Variants in NLGN2 observed in about 807,000 individuals in gnomAD.
The protein encoded by NLGN2 is neuroligin 2.
In NLGN2, 11 loss-of-function variants were observed where a neutral mutation model predicts 48.6. That is an observed-to-expected ratio of 0.23 (90% confidence interval 0.14 to 0.37). The LOEUF is 0.37. NLGN2 is among the 10% of genes least tolerant of loss of function. The probability of loss-of-function intolerance (pLI) is 1.00; values close to 1 mark genes in which losing one functional copy is unlikely to be tolerated. For missense variants in NLGN2, 801 were observed against 1,225.2 expected (o/e 0.65, Z 5.17); for synonymous variants, 548 against 550.0 (o/e 1.00, Z 0.05).
rs369734744 is a variant in NLGN2, at chr17:7,411,046, C to T, written c.458-1111C>T. Among the ~76,000 whole-genome samples the T allele has an allele frequency of 1.5e-4, 23 of 152,326 alleles. No homozygotes were observed. Among genetic ancestry groups the T allele is most frequent in the African/African-American group, 4.1e-4 (17 of 41,584 alleles). Reference sequence around the variant, plus strand: ...CCATTGAGGAAAAACCAATCAGCCTCGGGGAACCCCCAGGCCTCTGGGCTC... The same window carrying T: ...CCATTGAGGAAAAACCAATCAGCCTTGGGGAACCCCCAGGCCTCTGGGCTC... On this transcript the variant is annotated intron_variant, in intron 1 of 6. Coordinates refer to ENST00000302926, the MANE Select transcript of NLGN2 (RefSeq NM_020795.4). This position sits in a 1 kb window ranked among gnomAD's most constrained non-coding sequence, Gnocchi z 4.5.
Position 7,417,553 on chromosome 17 carries a change from G to GGCGGA in NLGN2, c.2263_2267dup (p.Asp756GlufsTer35). ...AGCTGAAGCGGGGTGGTGGCGTCGGGGCGGACCCTGCCGAGGCTCTGCGCC... is the reference window on the plus strand; with the variant it reads ...AGCTGAAGCGGGGTGGTGGCGTCGGGGCGGAGCGGACCCTGCCGAGGCTCTGCGCC... On this transcript the variant is annotated frameshift_variant, in exon 7 of 7. Coordinates refer to ENST00000302926, the MANE Select transcript of NLGN2 (RefSeq NM_020795.4). LOFTEE classifies it high-confidence loss of function. 6.9e-7 allele frequency: 1 copy of GGCGGA among 1,457,212 alleles called. No individual in the cohort carries two copies. Among genetic ancestry groups the GGCGGA allele is most frequent in the Non-Finnish European group, 9.0e-7 (1 of 1,110,922 alleles). The allele number at this position is 1,457,212 out of a possible 1,614,324, so 90.3% of individuals were successfully genotyped here.
chr17:7,406,042 G>A (rs749588387), upstream of NLGN2, among the ~76,000 whole-genome samples: 4 of 152,188 alleles, frequency 2.6e-5, no homozygotes, highest in Non-Finnish European at 4.4e-5. Flanking sequence ...GAAAATGGGG[G>A]AGACAGTGAT....
chr17:7,412,910 T>C (rs1906957352), intron 2 of NLGN2, among the ~76,000 whole-genome samples: 1 of 152,160 alleles, frequency 6.6e-6, no homozygotes, highest in African/African-American at 2.4e-5. Context: ...TCTTTCTTTC[T>C]TTCTTCTTTC....
At chr17:7,406,594 C>T (rs146889131), upstream of NLGN2, among the ~76,000 whole-genome samples, 103 of 141,130 alleles carry the variant, frequency 7.3e-4, no homozygotes, top group Middle Eastern at 3.8e-3. Context: ...CACCCGCGGG[C>T]TGGCGCCTGG....
In NLGN2 at chr17:7,408,630, C is replaced by G. The variant is rs1039644432; in HGVS notation, c.375C>G (p.Asp125Glu). ...PAIMLPVWFT[D>E]NLEAAATYVQ... ...TCATGCTGCCTGTGTGGTTCACCGA[C>G]AACTTGGAGGCGGCCGCCACCTACG... The change falls in exon 1 of 7, where the codon GAC becomes GAG. Residue 125 changes from aspartate (D) to glutamate (E), a missense_variant. By Grantham distance (45) the Asp-to-Glu change is conservative. This residue lies in a region of NLGN2 where 56 missense variants were observed against 100.0 expected (regional missense o/e 0.56). Transcript: ENST00000302926. The surrounding 1 kb of genome is among the most constrained non-coding windows in gnomAD (Gnocchi z 7.5). The G allele has an allele frequency of 6.2e-7, 1 of 1,610,606 alleles. No individual in the cohort carries two copies. The highest frequency in any genetic ancestry group is 1.3e-5 in the African/African-American group (1 of 74,884).
At chr17:7,407,435 A>G (rs77554485), upstream of NLGN2, among the ~76,000 whole-genome samples, 3,338 of 152,268 alleles carry the variant, frequency 0.022, 54 homozygotes, top group Middle Eastern at 0.041. Flanking sequence ...TGAAGTGGGG[A>G]TAAGGTGCTA....
chr17:7,408,481 ACGC>A lies in NLGN2; in HGVS notation c.231_233del (p.Pro78del). ...GCAGTTCTTGGGCGTGCCCTACGCC[ACGC>A]CGCCCCTGGGCGCCCGCCGCTTCCA... On this transcript the variant is annotated inframe_deletion, in exon 1 of 7. Transcript: ENST00000302926. This position sits in a 1 kb window ranked among gnomAD's most constrained non-coding sequence, Gnocchi z 7.5. The A allele has an allele frequency of 6.6e-7, 1 of 1,519,302 alleles. No individual in the cohort carries two copies. The highest frequency in any genetic ancestry group is 2.7e-5 in the East Asian group (1 of 36,790). The allele number at this position is 1,519,302 out of a possible 1,614,324, so 94.1% of individuals were successfully genotyped here. A position where few individuals can be genotyped will look rare whatever the true frequency, so the allele number is the denominator to read the frequency against.
upstream of NLGN2, chr17:7,405,290 C>G (rs1345344273): frequency 6.6e-6 from 1 of 152,384 alleles, no homozygotes; most frequent in Admixed American, 6.5e-5. The surrounding 1 kb of genome is among the most constrained non-coding windows in gnomAD (Gnocchi z 6.8). Context: ...CCCTCGAAGC[C>G]GGCCCACGGA....
chr17:7,414,324 G>GCCCCCCCCCCCC lies in NLGN2; in HGVS notation c.509-17_509-16insCCCCCCCCCCCC. 2 of 1,434,906 alleles carry GCCCCCCCCCCCC rather than the reference G, an allele frequency of 1.4e-6. No individual in the cohort carries two copies. Among genetic ancestry groups the GCCCCCCCCCCCC allele is most frequent in the Non-Finnish European group, 1.8e-6 (2 of 1,087,970 alleles). The allele number at this position is 1,434,906 out of a possible 1,614,324, so 88.9% of individuals were successfully genotyped here. On this transcript the variant is annotated intron_variant, in intron 2 of 6. Transcript: ENST00000302926. ...TTGTCCCTGACCCCCTGGCCCACCTGCCCACCCCTCCCCACACAGATATCC... is the reference window on the plus strand; with the variant it reads ...TTGTCCCTGACCCCCTGGCCCACCTGCCCCCCCCCCCCCCCACCCCTCCCCACACAGATATCC...
chr17:7,417,809 G>A lies in NLGN2; in HGVS notation c.*10G>A, dbSNP rs567746950. On this transcript the variant is annotated 3_prime_UTR_variant, in exon 7 of 7. Coordinates refer to ENST00000302926, the MANE Select transcript of NLGN2 (RefSeq NM_020795.4). ...CACCACTCGGGTATAGGGGGTGGGT[G>A]GGGAGGCCCTCCTCCCCGGCCCTCC... 5.9e-6 allele frequency: 8 copies of A among 1,345,860 alleles called. No individual in the cohort carries two copies. Among genetic ancestry groups the A allele is most frequent in the South Asian group, 2.0e-5 (1 of 50,562 alleles). The allele number at this position is 1,345,860 out of a possible 1,614,324, so 83.4% of individuals were successfully genotyped here. A position where few individuals can be genotyped will look rare whatever the true frequency, so the allele number is the denominator to read the frequency against.
chr17:7,415,424 G>A lies in NLGN2; in HGVS notation c.1038-87G>A, dbSNP rs74774891. ...AGGGAAGAAGGGTCTTGCAGGTAGA[G>A]GGAAGCATCTGCGTGTGGGCTTAGC... On this transcript the variant is annotated intron_variant, in intron 5 of 6. Transcript: ENST00000302926. 1.1e-4 allele frequency: 133 copies of A among 1,234,484 alleles called. No individual in the cohort carries two copies. The East Asian group carries it at 2.2e-3, about 20-fold the overall frequency. The allele number at this position is 1,234,484 out of a possible 1,614,324, so 76.5% of individuals were successfully genotyped here. A position where few individuals can be genotyped will look rare whatever the true frequency, so the allele number is the denominator to read the frequency against.
At chr17:7,410,487 C>G (rs939614405) in intron 1 of NLGN2, among the ~76,000 whole-genome samples, 7 of 152,118 alleles carry the variant, frequency 4.6e-5, no homozygotes, top group African/African-American at 1.7e-4. Flanking sequence ...CAGCGCCTGC[C>G]CCATCATGAG....
chr17:7,409,330 T>C (rs937852785), intron 1 of NLGN2, among the ~76,000 whole-genome samples: 2 of 152,086 alleles, frequency 1.3e-5, no homozygotes, highest in African/African-American at 4.8e-5. Context: ...AGCTCCTTGC[T>C]GAGGGCCAGC....
Position 7,411,338 on chromosome 17 carries a change from G to C in NLGN2, c.458-819G>C, listed in dbSNP as rs1024215070. 2.0e-5 allele frequency among the ~76,000 whole-genome samples: 3 copies of C among 152,194 alleles called. No homozygotes were observed. On this transcript the variant is annotated intron_variant, in intron 1 of 6. Coordinates refer to ENST00000302926, the MANE Select transcript of NLGN2 (RefSeq NM_020795.4). This position sits in a 1 kb window ranked among gnomAD's most constrained non-coding sequence, Gnocchi z 4.5. The stretch of plus-strand genomic sequence containing the variant: ...AGGAGAGGAAGCCTGGGTAAGGGAC[G>C]AGGTTGGGGGGAGTGCGGAGGGTTG...
At chr17:7,412,241 G>T (rs997531519) in intron 2 of NLGN2, 34 bp downstream of exon 2, 3 of 1,579,128 alleles carry the variant, frequency 1.9e-6, no homozygotes, top group Non-Finnish European at 1.7e-6. Context: ...GCATGTGGTT[G>T]CTTATAAGAG....
rs1221409741 is a variant in NLGN2 at position 7,414,942 on chromosome 17, G to T, written c.845-14G>T. ...GTACTCACAGCCTGGCCTGAGGTCT[G>T]CCTGTCCCGCCAGGGCTGTTCCAGA... On this transcript the variant is annotated splice_polypyrimidine_tract_variant and intron_variant, in intron 4 of 6. Transcript: ENST00000302926. The T allele has an allele frequency of 2.5e-6, 4 of 1,612,714 alleles. No homozygotes were observed. Among genetic ancestry groups the T allele is most frequent in the Middle Eastern group, 3.3e-4 (2 of 6,084 alleles).
In NLGN2 at chr17:7,413,100, A is replaced by T. The variant is rs1906965029; in HGVS notation, c.508+893A>T. On this transcript the variant is annotated intron_variant, in intron 2 of 6. Coordinates refer to ENST00000302926, the MANE Select transcript of NLGN2 (RefSeq NM_020795.4). The surrounding 1 kb of genome is among the most constrained non-coding windows in gnomAD (Gnocchi z 4.9). The stretch of plus-strand genomic sequence containing the variant: ...GAGATTCCGGCCTGAAAGTGCTGGG[A>T]GGTCACTTGAGGTTCAGGAGCAAAG... 2.0e-5 allele frequency among the ~76,000 whole-genome samples: 3 copies of T among 152,194 alleles called. No individual in the cohort carries two copies. The highest frequency in any genetic ancestry group is 7.2e-5 in the African/African-American group (3 of 41,448).
At position 7,417,666 on chromosome 17, in the gene NLGN2, C is replaced by A; in HGVS notation, c.2375C>A (p.Pro792His). The change falls in exon 7 of 7, where the codon CCC (proline) becomes CAC (histidine). Residue 792 changes from proline to histidine, a missense_variant. This residue lies in a region of NLGN2 where 276 missense variants were observed against 313.9 expected (regional missense o/e 0.88). Coordinates refer to ENST00000302926, the MANE Select transcript of NLGN2 (RefSeq NM_020795.4). ...GCCCCCGGGGCCCTGACCCTGCTGC[C>A]CAGTGGCCTGGGGCCACCGCCACCC... ...LLAPGALTLLPSGLGPPPPPP... is the reference protein window; with the variant it reads ...LLAPGALTLLHSGLGPPPPPP... 1 of 1,390,646 alleles carries A rather than the reference C, an allele frequency of 7.2e-7. No individual in the cohort carries two copies. Among genetic ancestry groups the A allele is most frequent in the Admixed American group, 3.3e-5 (1 of 30,036 alleles). 86.1% of individuals were successfully genotyped at this position (1,390,646 alleles called of 1,614,324 possible).
intron 6 of NLGN2, 107 bp downstream of exon 6, chr17:7,416,214 G>A (rs543165264): frequency 4.1e-4 from 364 of 880,306 alleles, no homozygotes; most frequent in Non-Finnish European, 5.8e-4. Flanking sequence ...TTGCTCGAGT[G>A]AAACCAACCC....
Sources: gnomAD v4.1 joint callset for allele counts (sites outside exome capture counted in the v4.1 genomes callset) on GRCh38, gnomAD v4.1.1 for gene constraint, gnomAD v4.1.1 regional missense constraint, Gnocchi (gnomAD v3.1) non-coding constraint, MANE v1.5 for transcripts, NCBI Gene and HGNC (gene_info 2026-07-23, HGNC 2026-07-21) for gene names.